The following TMEM178B variants were observed in gnomAD, a reference collection of about 807,000 sequenced individuals.
TMEM178B encodes transmembrane protein 178B.
A neutral mutation model predicts 31.0 loss-of-function variants in TMEM178B; 5 were observed. The observed-to-expected ratio is 0.16, with a 90% CI of 0.08 to 0.34. The LOEUF (loss-of-function observed/expected upper bound fraction) is 0.34. TMEM178B is among the 10% of genes least tolerant of loss of function. The pLI is 1.00. For synonymous variants in TMEM178B, 164 were observed against 164.0 expected (o/e 1.00, Z 0.00); for missense variants, 275 against 400.3 (o/e 0.69, Z 2.67).
At chr7:141,394,280 A>G (rs1291761300) in intron 2 of TMEM178B, among the ~76,000 whole-genome samples, 1 of 152,154 alleles carries the variant, frequency 6.6e-6, no homozygotes, top group Non-Finnish European at 1.5e-5. Flanking sequence ...GTCTACAGAG[A>G]TTTAGTGTCA....
chr7:141,496,731 C>A, the TMEM178B span, among the ~76,000 whole-genome samples: 1 of 143,314 alleles, frequency 7.0e-6, no homozygotes, highest in Non-Finnish European at 1.5e-5. Flanking sequence ...ACAGAGGAAT[C>A]ATTTTAAAAT....
intron 2 of TMEM178B, among the ~76,000 whole-genome samples, chr7:141,218,309 A>G (rs1797195214): frequency 6.6e-6 from 1 of 152,126 alleles, no homozygotes; most frequent in Non-Finnish European, 1.5e-5. Flanking sequence ...GAGGGAGAAG[A>G]GAGGAGAAGA....
At chr7:141,166,156 A>ACT (rs1796257251) in intron 1 of TMEM178B, among the ~76,000 whole-genome samples, 1 of 152,240 alleles carries the variant, frequency 6.6e-6, no homozygotes, top group Non-Finnish European at 1.5e-5. Context: ...GTAGACCTAT[A>ACT]GTAGGTGGGA....
At chr7:141,143,080 T>C (rs1795800104) in intron 1 of TMEM178B, among the ~76,000 whole-genome samples, 1 of 152,234 alleles carries the variant, frequency 6.6e-6, no homozygotes, top group Admixed American at 6.5e-5. Flanking sequence ...TTATTTGTTT[T>C]TTGCTTGATG....
chr7:141,135,337 A>G (rs1261577008), intron 1 of TMEM178B, among the ~76,000 whole-genome samples: 1 of 152,222 alleles, frequency 6.6e-6, no homozygotes, highest in Non-Finnish European at 1.5e-5. Context: ...ACAGAAAATC[A>G]ACAAAGAAAC....
chr7:141,221,160 G>C (rs148390567), intron 2 of TMEM178B, among the ~76,000 whole-genome samples: 1 of 152,194 alleles, frequency 6.6e-6, no homozygotes, highest in African/African-American at 2.4e-5. Context: ...ATTTTACAGC[G>C]AGGGAAAAGT....
intron 2 of TMEM178B, among the ~76,000 whole-genome samples, chr7:141,376,551 T>C (rs1800217418): frequency 6.6e-6 from 1 of 152,170 alleles, no homozygotes; most frequent in Non-Finnish European, 1.5e-5. Context: ...GACAAACATG[T>C]TTAACATTAA....
chr7:141,226,854 A>G (rs1477096689), intron 2 of TMEM178B, among the ~76,000 whole-genome samples: 1 of 95,744 alleles, frequency 1.0e-5, no homozygotes, highest in East Asian at 3.1e-4. Flanking sequence ...TGAGACTACC[A>G]CTCTGAAAAA....
At chr7:141,097,882 C>T (rs1414858612) in intron 1 of TMEM178B, among the ~76,000 whole-genome samples, 3 of 150,234 alleles carry the variant, frequency 2.0e-5, no homozygotes, top group East Asian at 3.9e-4. Flanking sequence ...GCTTCGACCT[C>T]CCTGGTTCAA....
At chr7:141,087,354 A>G (rs1373887861) in intron 1 of TMEM178B, among the ~76,000 whole-genome samples, 1 of 152,212 alleles carries the variant, frequency 6.6e-6, no homozygotes, top group South Asian at 2.1e-4. Flanking sequence ...AGGGCTTTAC[A>G]ATGATTGATT....
intron 2 of TMEM178B, among the ~76,000 whole-genome samples, chr7:141,224,057 G>A (rs555471504): frequency 8.5e-4 from 130 of 152,246 alleles, no homozygotes; most frequent in Non-Finnish European, 1.7e-3. Context: ...TCATTGTAGT[G>A]AATAAGTCTC....
At chr7:141,390,260 C>G (rs1800511046) in intron 2 of TMEM178B, among the ~76,000 whole-genome samples, 1 of 152,336 alleles carries the variant, frequency 6.6e-6, no homozygotes, top group East Asian at 1.9e-4. Context: ...GCCACACCCT[C>G]TATGTGAAGT....
chr7:141,224,374 G>T (rs1215206930), intron 2 of TMEM178B, among the ~76,000 whole-genome samples: 2 of 152,124 alleles, frequency 1.3e-5, no homozygotes, highest in African/African-American at 4.8e-5. Flanking sequence ...TTTCTTTTAC[G>T]GATTCGATCT....
chr7:141,332,388 A>G (rs1379895025), intron 2 of TMEM178B, among the ~76,000 whole-genome samples: 3 of 152,314 alleles, frequency 2.0e-5, no homozygotes, highest in Non-Finnish European at 1.5e-5. Flanking sequence ...AGATGTACTG[A>G]TACACCTAAA....
chr7:141,510,699 AAAAAAAAAAAAAAG>A, the TMEM178B span, among the ~76,000 whole-genome samples: 1,368 of 145,964 alleles, frequency 9.4e-3, 32 homozygotes, highest in African/African-American at 0.033. Context: ...AAAAAAAAAA[AAAAAAAAAAAAAAG>A]AAAAAAAAAG....
chr7:141,130,141 A>G lies in TMEM178B; in HGVS notation c.382+55449A>G, dbSNP rs190585605. ...GAGAAAGATTTAGCTATATTAATAG[A>G]GATTCTTTAAAAATGCGAATTTTCC... On this transcript the variant is annotated intron_variant, in intron 1 of 3. Coordinates refer to ENST00000565468, the MANE Select transcript of TMEM178B (RefSeq NM_001195278.2). Among the ~76,000 whole-genome samples, 4 of 152,326 alleles carry G rather than the reference A, an allele frequency of 2.6e-5. No individual in the cohort carries two copies. The East Asian group carries it at 7.7e-4, about 29-fold the overall frequency.
chr7:141,184,073 T>C (rs1796571699), intron 1 of TMEM178B, among the ~76,000 whole-genome samples: 1 of 152,220 alleles, frequency 6.6e-6, no homozygotes, highest in Non-Finnish European at 1.5e-5. Context: ...GGGATTCCTC[T>C]CCTTTGCAGA....
intron 2 of TMEM178B, among the ~76,000 whole-genome samples, chr7:141,234,190 G>A (rs552011987): frequency 6.6e-6 from 1 of 152,284 alleles, no homozygotes; most frequent in South Asian, 2.1e-4. Flanking sequence ...GTTCTCTGTT[G>A]TGTAAAACTT....
At chr7:141,442,235 C>T (rs1801674059) in intron 3 of TMEM178B, among the ~76,000 whole-genome samples, 1 of 152,116 alleles carries the variant, frequency 6.6e-6, no homozygotes, top group African/African-American at 2.4e-5. Flanking sequence ...ACACACCCTC[C>T]CACACTCCCT....
Sources: gnomAD v4.1 joint callset for allele counts (sites outside exome capture counted in the v4.1 genomes callset) on GRCh38, gnomAD v4.1.1 for gene constraint, MANE v1.5 for transcripts, NCBI Gene and HGNC (gene_info 2026-07-23, HGNC 2026-07-21) for gene names.